DLG2: variants seen among roughly 807,000 people sequenced by gnomAD.
The protein encoded by DLG2 is discs large MAGUK scaffold protein 2, also known as disks large homolog 2.
Under a neutral mutation model 132.5 loss-of-function variants are expected in DLG2, and 45 were observed. That is an observed-to-expected ratio of 0.34 (90% CI 0.27 to 0.44). The LOEUF is 0.44. Ranked by LOEUF, DLG2 falls within the 20% of genes least tolerant of loss-of-function variation. The pLI is 1.00. For missense variants in DLG2, 1,045 were observed against 1,196.9 expected, an observed-to-expected ratio of 0.87 and a Z score of 1.87; for synonymous variants, 424 against 419.6, an observed-to-expected ratio of 1.01 and a Z score of -0.13.
intron 3 of DLG2, among the ~76,000 whole-genome samples, chr11:85,398,136 G>C (rs956027328): frequency 3.3e-5 from 5 of 152,056 alleles, no homozygotes; most frequent in African/African-American, 1.2e-4. Flanking sequence ...ACTCAAAACC[G>C]CACAACTTTA....
At chr11:84,914,312 C>T (rs1208549085) in intron 6 of DLG2, among the ~76,000 whole-genome samples, 1 of 152,122 alleles carries the variant, frequency 6.6e-6, no homozygotes, top group Non-Finnish European at 1.5e-5. Flanking sequence ...GGTCAAATGA[C>T]TTTTTATTTT....
At chr11:85,159,170 G>T (rs1481612145) in intron 4 of DLG2, among the ~76,000 whole-genome samples, 1 of 152,160 alleles carries the variant, frequency 6.6e-6, no homozygotes, top group East Asian at 1.9e-4. Flanking sequence ...ATCGATTTCA[G>T]GGGACCCAAA....
At chr11:84,182,008 T>C (rs2096144346) in intron 8 of DLG2, among the ~76,000 whole-genome samples, 1 of 152,126 alleles carries the variant, frequency 6.6e-6, no homozygotes, top group Admixed American at 6.5e-5. Context: ...TTGAACTCCA[T>C]GGAACCATCA....
intron 4 of DLG2, among the ~76,000 whole-genome samples, chr11:85,156,738 C>A (rs555800313): frequency 7.2e-5 from 11 of 152,170 alleles, no homozygotes; most frequent in Admixed American, 7.2e-4. Context: ...GCGGCACATC[C>A]ACCATCATAG....
At position 84,488,421 on chromosome 11, in the gene DLG2, G is replaced by T. The variant is rs560162531; in HGVS notation, c.519+46149C>A. On this transcript the variant is annotated intron_variant, in intron 7 of 27. Coordinates refer to ENST00000376104, the MANE Select transcript of DLG2 (RefSeq NM_001142699.3). ...TGATGGCCATGGTCAAAGTCATCTT[G>T]CTGCATGGGAGCTTTGCCAACTGAG... Among the ~76,000 whole-genome samples, 11 of 152,208 alleles carry T rather than the reference G, an allele frequency of 7.2e-5. No individual in the cohort carries two copies. The South Asian group carries it at 2.3e-3, about 32-fold the overall frequency.
chr11:84,124,769 T>G (rs183220051), intron 9 of DLG2, among the ~76,000 whole-genome samples: 34 of 152,136 alleles, frequency 2.2e-4, no homozygotes, highest in Non-Finnish European at 4.4e-4. Context: ...TCTTTAGACA[T>G]GGCACTTAAA....
chr11:83,893,307 T>C (rs1204541883), intron 15 of DLG2, among the ~76,000 whole-genome samples: 1 of 152,206 alleles, frequency 6.6e-6, no homozygotes, highest in East Asian at 1.9e-4. Context: ...GACTTTTCCA[T>C]TGCAGTTAGA....
At chr11:85,464,538 T>G (rs2092718968) in intron 3 of DLG2, among the ~76,000 whole-genome samples, 1 of 152,026 alleles carries the variant, frequency 6.6e-6, no homozygotes, top group African/African-American at 2.4e-5. Flanking sequence ...TCGGGTGGCA[T>G]CAGTCTGAAA....
intron 3 of DLG2, among the ~76,000 whole-genome samples, chr11:85,508,088 T>G (rs1188629208): frequency 6.6e-6 from 1 of 152,152 alleles, no homozygotes; most frequent in African/African-American, 2.4e-5. Context: ...ATGCTGTTTA[T>G]TCTAGTTAGC....
At chr11:84,922,932 A>G (rs1591355222) in intron 6 of DLG2, 2 of 987,774 alleles carry the variant, frequency 2.0e-6, no homozygotes, top group Non-Finnish European at 1.5e-6. Flanking sequence ...CACGGCAACA[A>G]TAAAACAAAG....
intron 12 of DLG2, among the ~76,000 whole-genome samples, chr11:83,967,304 C>T (rs938660280): frequency 1.3e-5 from 2 of 151,990 alleles, no homozygotes; most frequent in Non-Finnish European, 2.9e-5. Flanking sequence ...TATTTAGGAG[C>T]CTGCATACTG....
intron 3 of DLG2, among the ~76,000 whole-genome samples, chr11:85,590,676 G>GA (rs918372288): frequency 4.2e-4 from 64 of 150,834 alleles, no homozygotes; most frequent in Non-Finnish European, 7.4e-4. Flanking sequence ...TAAATTCCCT[G>GA]AAAGTAGTTC....
At chr11:85,225,596 C>A (rs951756523) in intron 4 of DLG2, among the ~76,000 whole-genome samples, 1 of 151,980 alleles carries the variant, frequency 6.6e-6, no homozygotes, top group African/African-American at 2.4e-5. Flanking sequence ...TTATTTCTTT[C>A]TCTCCACTGA....
At chr11:83,754,774 A>C (rs1343318461) in intron 18 of DLG2, among the ~76,000 whole-genome samples, 1 of 151,444 alleles carries the variant, frequency 6.6e-6, no homozygotes, top group Non-Finnish European at 1.5e-5. Flanking sequence ...AAAAGAAGTC[A>C]TTAGAAAGCA....
chr11:84,431,653 A>T (rs2098985026), intron 7 of DLG2, among the ~76,000 whole-genome samples: 1 of 152,164 alleles, frequency 6.6e-6, no homozygotes, highest in Non-Finnish European at 1.5e-5. Flanking sequence ...AGTGTTCCAT[A>T]TAATACTCTG....
intron 6 of DLG2, among the ~76,000 whole-genome samples, chr11:85,066,729 T>A (rs2064978717): frequency 6.6e-6 from 1 of 151,570 alleles, no homozygotes; most frequent in Admixed American, 6.6e-5. Flanking sequence ...AAGCATTCAA[T>A]AGAATTCAAT....
intron 3 of DLG2, among the ~76,000 whole-genome samples, chr11:85,420,426 A>G (rs2152994005): frequency 1.3e-5 from 2 of 152,248 alleles, no homozygotes; most frequent in African/African-American, 4.8e-5. Flanking sequence ...GACCCACTCG[A>G]GGAGGCAGTC....
chr11:84,739,384 C>T (rs2064287844), intron 6 of DLG2, among the ~76,000 whole-genome samples: 1 of 152,072 alleles, frequency 6.6e-6, no homozygotes, highest in African/African-American at 2.4e-5. Context: ...AGTGATGACT[C>T]CCTACTTTGT....
intron 6 of DLG2, among the ~76,000 whole-genome samples, chr11:84,594,276 T>A (rs375113353): frequency 5.9e-5 from 9 of 152,328 alleles, no homozygotes; most frequent in East Asian, 5.8e-4. Context: ...CAAGCCTCTC[T>A]TCTCCATTGA....
Sources: allele counts gnomAD v4.1 joint callset (sites outside exome capture counted in the v4.1 genomes callset), GRCh38; gene constraint gnomAD v4.1.1; transcripts MANE v1.5; gene names NCBI Gene and HGNC (gene_info 2026-07-23, HGNC 2026-07-21).